Variants in HIGD1C observed in about 807,000 individuals in gnomAD.
HIGD1C encodes the protein HIG1 hypoxia inducible domain family member 1C, also known as HIG1 domain family member 1C.
HIGD1C carries 11 observed loss-of-function variants against 13.1 expected under a neutral mutation model. The ratio of observed to expected loss-of-function variants is 0.84; its 90% CI spans 0.53 to 1.39. The LOEUF (loss-of-function observed/expected upper bound fraction) is 1.39. Among genes scored for constraint, HIGD1C ranks in the 40% most tolerant of loss-of-function variants. HIGD1C has a pLI of 0.00. For synonymous variants in HIGD1C, 36 were observed against 37.7 expected, an observed-to-expected ratio of 0.95 and a Z score of 0.17; for missense variants, 110 against 112.0, an observed-to-expected ratio of 0.98 and a Z score of 0.08.
At chr12:50,952,911 C>T (rs1163765804), upstream of HIGD1C, among the ~76,000 whole-genome samples, 1 of 152,140 alleles carries the variant, frequency 6.6e-6, no homozygotes. Context: ...GAGTCAGGTA[C>T]TAAGACTCAA....
upstream of HIGD1C, among the ~76,000 whole-genome samples, chr12:50,952,059 AT>A (rs141699945): frequency 0.018 from 2,449 of 136,682 alleles, 22 homozygotes; most frequent in African/African-American, 0.034. Context: ...TAGACCAGAA[AT>A]TTTTTTTTTT....
the HIGD1C span, among the ~76,000 whole-genome samples, chr12:50,947,269 C>T: frequency 6.6e-6 from 1 of 152,148 alleles, no homozygotes; most frequent in Non-Finnish European, 1.5e-5. Flanking sequence ...TGGCTTAAAA[C>T]ACCACAAACT....
the HIGD1C span, among the ~76,000 whole-genome samples, chr12:50,942,590 G>T: frequency 6.6e-6 from 1 of 152,142 alleles, no homozygotes; most frequent in African/African-American, 2.4e-5. Flanking sequence ...AGCTTGGCTG[G>T]GTGTAGTGGC....
At chr12:50,970,948 C>T (rs149115826), downstream of HIGD1C, among the ~76,000 whole-genome samples, 137 of 152,032 alleles carry the variant, frequency 9.0e-4, no homozygotes, top group Non-Finnish European at 1.1e-3. Flanking sequence ...GTATAATCTC[C>T]GCTCACCGCA....
At chr12:50,965,132 G>C (rs1015808746) in intron 2 of HIGD1C, among the ~76,000 whole-genome samples, 1 of 151,786 alleles carries the variant, frequency 6.6e-6, no homozygotes, top group African/African-American at 2.4e-5. Context: ...TTTGTTTTTT[G>C]AGACAGGGTC....
At chr12:50,969,752 T>A (rs1274148670) in intron 2 of HIGD1C, among the ~76,000 whole-genome samples, 3 of 151,364 alleles carry the variant, frequency 2.0e-5, no homozygotes, top group Non-Finnish European at 4.4e-5. Context: ...AATGAATATA[T>A]GGGTTTCACA....
At chr12:50,938,201 C>T in the HIGD1C span, among the ~76,000 whole-genome samples, 2 of 151,908 alleles carry the variant, frequency 1.3e-5, no homozygotes, top group South Asian at 4.2e-4. Flanking sequence ...CCCCTCCACC[C>T]CCCCACCCCC....
chr12:50,941,266 C>G, the HIGD1C span, among the ~76,000 whole-genome samples: 1 of 152,114 alleles, frequency 6.6e-6, no homozygotes, highest in Non-Finnish European at 1.5e-5. Context: ...GAGATTACAA[C>G]CATGAGCCAC....
At chr12:50,939,705 T>A in the HIGD1C span, among the ~76,000 whole-genome samples, 2 of 152,186 alleles carry the variant, frequency 1.3e-5, no homozygotes, top group African/African-American at 4.8e-5. Context: ...CCCAGGATTC[T>A]TATGAGGATG....
At chr12:50,952,256 T>C (rs367723572), upstream of HIGD1C, among the ~76,000 whole-genome samples, 1 of 152,096 alleles carries the variant, frequency 6.6e-6, no homozygotes, top group East Asian at 1.9e-4. Context: ...AGTCTGCTAC[T>C]GTCAGGTGGT....
At chr12:50,970,738 T>C (rs1939732414), downstream of HIGD1C, among the ~76,000 whole-genome samples, 1 of 152,218 alleles carries the variant, frequency 6.6e-6, no homozygotes, top group Non-Finnish European at 1.5e-5. Flanking sequence ...CATGATTTTC[T>C]GACTTAATTT....
intron 1 of HIGD1C, chr12:50,954,351 C>A: frequency 2.8e-6 from 1 of 359,326 alleles, no homozygotes; most frequent in Non-Finnish European, 5.0e-6. Context: ...ATTATTAGTT[C>A]CTAGCCAGTC....
chr12:50,945,191 T>C, the HIGD1C span, among the ~76,000 whole-genome samples: 1 of 152,180 alleles, frequency 6.6e-6, no homozygotes, highest in Admixed American at 6.5e-5. Flanking sequence ...GGATGCCCTT[T>C]CTCACCACTA....
At chr12:50,936,322 C>G in the HIGD1C span, among the ~76,000 whole-genome samples, 1 of 152,250 alleles carries the variant, frequency 6.6e-6, no homozygotes, top group South Asian at 2.1e-4. Flanking sequence ...GTTGCCCAGG[C>G]TGGTCTCAAA....
At chr12:50,964,525 G>A (rs1055208288) in intron 2 of HIGD1C, among the ~76,000 whole-genome samples, 1 of 152,114 alleles carries the variant, frequency 6.6e-6, no homozygotes, top group Admixed American at 6.6e-5. Flanking sequence ...TGAACTAAAG[G>A]GATGTCCTGT....
the HIGD1C span, among the ~76,000 whole-genome samples, chr12:50,941,796 T>G: frequency 6.6e-6 from 1 of 152,220 alleles, no homozygotes; most frequent in East Asian, 1.9e-4. Flanking sequence ...TGTTTCTGGC[T>G]ATCAACCAGG....
At chr12:50,955,783 C>T (rs541000545) in intron 1 of HIGD1C, among the ~76,000 whole-genome samples, 4 of 152,034 alleles carry the variant, frequency 2.6e-5, no homozygotes, top group South Asian at 2.1e-4. Flanking sequence ...AAAAAAAATT[C>T]GAAAACTCAA....
rs151277241 is a variant in HIGD1C, at chr12:50,965,212, C to T, written c.229+4110C>T. Among the ~76,000 whole-genome samples, 325 of 152,102 alleles carry T rather than the reference C, an allele frequency of 2.1e-3. 1 individual carries two copies. Among genetic ancestry groups the T allele is most frequent in the African/African-American group, 7.2e-3 (300 of 41,488 alleles). On this transcript the variant is annotated intron_variant, in intron 2 of 2. Coordinates refer to ENST00000398455, the Ensembl canonical transcript of HIGD1C. ...CGCTACAGCCCCAAACTCCTGGGTT[C>T]AAGCAATCCACCCACCTCAGCCTCT...
At chr12:50,969,722 C>A (rs990754301) in intron 2 of HIGD1C, among the ~76,000 whole-genome samples, 84 of 148,706 alleles carry the variant, frequency 5.6e-4, no homozygotes, top group Non-Finnish European at 9.7e-4. Flanking sequence ...AAAACAAAAA[C>A]AAAACGTCAT....
Sources: gnomAD v4.1 joint callset for allele counts (sites outside exome capture counted in the v4.1 genomes callset) on GRCh38, gnomAD v4.1.1 for gene constraint, MANE v1.5 for transcripts, NCBI Gene and HGNC (gene_info 2026-07-23, HGNC 2026-07-21) for gene names.